Variants in DIAPH2 observed in about 807,000 individuals in gnomAD.
DIAPH2 encodes the protein diaphanous related formin 2.
A neutral mutation model predicts 92.7 loss-of-function variants in DIAPH2; 35 were observed. The ratio of observed to expected loss-of-function variants is 0.38; its 90% CI spans 0.29 to 0.50. The LOEUF is 0.50. Among genes scored for constraint, DIAPH2 ranks in the 20% least tolerant of loss-of-function variants. The probability of loss-of-function intolerance (pLI) is 0.94; values close to 1 mark genes in which losing one functional copy is unlikely to be tolerated. For synonymous variants in DIAPH2, 301 were observed against 280.4 expected, an observed-to-expected ratio of 1.07 and a Z score of -0.73; for missense variants, 701 against 819.5, an observed-to-expected ratio of 0.86 and a Z score of 1.77.
intron 1 of DIAPH2, among the ~76,000 whole-genome samples, chrX:96,718,689 T>C (rs774569540): frequency 9.0e-6 from 1 of 111,678 alleles, no homozygotes; most frequent in African/African-American, 3.3e-5. Flanking sequence ...TGTTTATGGA[T>C]ACTTAGGTTG....
intron 3 of DIAPH2, among the ~76,000 whole-genome samples, chrX:96,739,308 T>C (rs1158723242): frequency 8.9e-6 from 1 of 112,018 alleles, no homozygotes; most frequent in African/African-American, 3.2e-5. Flanking sequence ...ATGAATACCA[T>C]ATTTTGAGTA....
intron 4 of DIAPH2, among the ~76,000 whole-genome samples, chrX:96,799,665 G>A (rs1206386607): frequency 1.8e-5 from 2 of 110,055 alleles, no homozygotes; most frequent in African/African-American, 6.6e-5. Context: ...AAAATTAGCC[G>A]GGCATCGTGG....
chrX:97,531,850 C>T (rs1472349760), intron 26 of DIAPH2, among the ~76,000 whole-genome samples: 1 of 112,344 alleles, frequency 8.9e-6, no homozygotes, highest in Non-Finnish European at 1.9e-5. Flanking sequence ...TTACTTGTAA[C>T]TGAAACTCTC....
At chrX:96,993,995 A>G (rs2066088678) in intron 17 of DIAPH2, among the ~76,000 whole-genome samples, 1 of 111,541 alleles carries the variant, frequency 9.0e-6, no homozygotes, top group Non-Finnish European at 1.9e-5. Context: ...AGGGAGGTAC[A>G]TTGGAGACAA....
At chrX:96,900,625 C>T (rs1043975965) in intron 5 of DIAPH2, among the ~76,000 whole-genome samples, 1 of 110,706 alleles carries the variant, frequency 9.0e-6, no homozygotes, top group Admixed American at 9.6e-5. Context: ...GAGGGAAGTC[C>T]CTTCTGTGCC....
chrX:96,990,559 A>T (rs908578223), intron 17 of DIAPH2, among the ~76,000 whole-genome samples: 43 of 109,190 alleles, frequency 3.9e-4, no homozygotes, highest in African/African-American at 1.3e-3. Context: ...TGTTTTTTAA[A>T]TTTTTTTTTC....
At chrX:97,592,843 C>G (rs968758001) in intron 26 of DIAPH2, among the ~76,000 whole-genome samples, 1 of 111,762 alleles carries the variant, frequency 8.9e-6, no homozygotes, top group Non-Finnish European at 1.9e-5. Flanking sequence ...TTTCCATTAC[C>G]ATCCTCGTTA....
In DIAPH2 at chrX:97,304,587, A is replaced by G. The variant is rs1055360455; in HGVS notation, c.2845-43529A>G. On this transcript the variant is annotated intron_variant, in intron 23 of 26. Transcript: ENST00000324765. ...AGTAGCAGAGAATCCCATATGGGAA[A>G]AGTACTTGTACATATCTCTGTGATG... 6.6e-4 allele frequency among the ~76,000 whole-genome samples: 74 copies of G among 112,367 alleles called. 1 individual carries two copies. In the Admixed American group the frequency reaches 7.0e-3, roughly 11 times the overall value.
intron 23 of DIAPH2, among the ~76,000 whole-genome samples, chrX:97,294,714 A>ATATG (rs763697658): frequency 7.2e-5 from 8 of 111,727 alleles, no homozygotes; most frequent in African/African-American, 2.3e-4. Context: ...TCTCTTAAAC[A>ATATG]TATGTAGGTC....
intron 26 of DIAPH2, among the ~76,000 whole-genome samples, chrX:97,501,161 C>CT (rs1204674684): frequency 9.1e-6 from 1 of 109,780 alleles, no homozygotes; most frequent in Non-Finnish European, 1.9e-5. Flanking sequence ...TTTGAGTACT[C>CT]TTTTTACGTA....
At chrX:97,404,361 T>C (rs1033861091) in intron 25 of DIAPH2, among the ~76,000 whole-genome samples, 1 of 112,212 alleles carries the variant, frequency 8.9e-6, no homozygotes, top group Non-Finnish European at 1.9e-5. Context: ...AGCAGACTTT[T>C]CTACCCAGTA....
intron 25 of DIAPH2, among the ~76,000 whole-genome samples, chrX:97,419,344 A>G (rs764407025): frequency 1.8e-5 from 2 of 112,555 alleles, no homozygotes; most frequent in Non-Finnish European, 3.7e-5. Context: ...TCTTACTGCA[A>G]CAACTCAACT....
chrX:96,859,921 G>A (rs1273096075), intron 4 of DIAPH2, among the ~76,000 whole-genome samples: 2 of 111,737 alleles, frequency 1.8e-5, no homozygotes, highest in African/African-American at 3.3e-5. Flanking sequence ...GATTACAGGC[G>A]TGAGCCACCA....
intron 4 of DIAPH2, among the ~76,000 whole-genome samples, chrX:96,862,292 T>C (rs1313941583): frequency 1.8e-5 from 2 of 111,897 alleles, no homozygotes; most frequent in African/African-American, 6.5e-5. Context: ...ATTTGAGCAC[T>C]GTCTTCTTGG....
chrX:97,152,979 A>G (rs1168922163), intron 22 of DIAPH2, among the ~76,000 whole-genome samples: 1 of 112,002 alleles, frequency 8.9e-6, no homozygotes, highest in Non-Finnish European at 1.9e-5. Context: ...ATGTCCAGGG[A>G]TGAGAATCAG....
chrX:97,101,251 A>AT (rs769786703), intron 20 of DIAPH2, among the ~76,000 whole-genome samples: 35 of 105,207 alleles, frequency 3.3e-4, no homozygotes, highest in South Asian at 1.2e-3. Context: ...CTCTGAAGCC[A>AT]TTTTTTTTTT....
chrX:97,414,223 A>G (rs1825117346), intron 25 of DIAPH2, among the ~76,000 whole-genome samples: 1 of 111,799 alleles, frequency 8.9e-6, no homozygotes, highest in African/African-American at 3.3e-5. Flanking sequence ...CCAATAGAAC[A>G]TAACAGAGGC....
intron 22 of DIAPH2, among the ~76,000 whole-genome samples, chrX:97,149,341 T>C (rs767098754): frequency 1.4e-3 from 162 of 111,931 alleles, no homozygotes; most frequent in African/African-American, 4.9e-3. Context: ...CTTACTTAAA[T>C]CTTAGCAGCC....
chrX:97,579,238 T>C (rs2071420896), intron 26 of DIAPH2, among the ~76,000 whole-genome samples: 1 of 110,709 alleles, frequency 9.0e-6, no homozygotes, highest in African/African-American at 3.3e-5. Context: ...AGACATGAAG[T>C]CCTTGCCCAT....
Sources: gnomAD v4.1 joint callset for allele counts (sites outside exome capture counted in the v4.1 genomes callset) on GRCh38, gnomAD v4.1.1 for gene constraint, MANE v1.5 for transcripts, NCBI Gene and HGNC (gene_info 2026-07-23, HGNC 2026-07-21) for gene names.